The following NMNAT1 variants were observed in gnomAD, a reference collection of about 807,000 sequenced individuals.
The protein encoded by NMNAT1 is nicotinamide nucleotide adenylyltransferase 1, also known as nicotinamide/nicotinic acid mononucleotide adenylyltransferase 1.
Under a neutral mutation model 16.7 loss-of-function variants are expected in NMNAT1, and 11 were observed. The observed-to-expected ratio is 0.66, with a 90% CI of 0.41 to 1.09. NMNAT1 has a LOEUF of 1.09. Ranked by LOEUF, NMNAT1 falls within the 50% of genes least tolerant of loss-of-function variation. The probability of loss-of-function intolerance (pLI) is 0.00; values close to 1 mark genes in which losing one functional copy is unlikely to be tolerated. For missense variants in NMNAT1, 280 were observed against 332.3 expected (o/e 0.84, Z 1.22); for synonymous variants, 110 against 119.8 (o/e 0.92, Z 0.53).
At chr1:9,988,595 C>T (rs1487759751), downstream of NMNAT1, among the ~76,000 whole-genome samples, 3 of 148,122 alleles carry the variant, frequency 2.0e-5, no homozygotes, top group African/African-American at 7.5e-5. Context: ...CCTAGCTACT[C>T]AGGAATCTGA....
Position 9,983,204 on chromosome 1 carries a change from A to C in NMNAT1, c.*503A>C, listed in dbSNP as rs191309209. 6.6e-6 allele frequency: 1 copy of C among 152,378 alleles called. No individual in the cohort carries two copies. Among genetic ancestry groups the C allele is most frequent in the East Asian group, 1.9e-4 (1 of 5,192 alleles). The allele number at this position is 152,378 out of a possible 1,614,324, so 9.4% of individuals were successfully genotyped here. A position where few individuals can be genotyped will look rare whatever the true frequency, so the allele number is the denominator to read the frequency against. On this transcript the variant is annotated 3_prime_UTR_variant, in exon 5 of 5. Transcript: ENST00000377205. Reference sequence around the variant, plus strand: ...TGGAGTCTCTACTAAAAATACAAAAAATTAGCCAGGCATGGTGCCGCATAA... The same window carrying C: ...TGGAGTCTCTACTAAAAATACAAAACATTAGCCAGGCATGGTGCCGCATAA...
chr1:9,983,811 A>G lies in NMNAT1; in HGVS notation c.*1110A>G, dbSNP rs762424067. ...AAGGAGTCCTGAAAAGTAATGATAG[A>G]GCAAGATGAAGCTATCAGAACTGAA... On this transcript the variant is annotated 3_prime_UTR_variant, in exon 5 of 5. Transcript: ENST00000377205. The G allele has an allele frequency of 2.0e-5, 3 of 152,204 alleles. No homozygotes were observed. Among genetic ancestry groups the G allele is most frequent in the Non-Finnish European group, 4.4e-5 (3 of 68,030 alleles). The allele number at this position is 152,204 out of a possible 1,614,324, so 9.4% of individuals were successfully genotyped here. A position where few individuals can be genotyped will look rare whatever the true frequency, so the allele number is the denominator to read the frequency against.
intron 3 of NMNAT1, among the ~76,000 whole-genome samples, chr1:9,976,192 C>T (rs1223163204): frequency 6.7e-6 from 1 of 149,936 alleles, no homozygotes; most frequent in East Asian, 2.0e-4. Flanking sequence ...GAGGCTGAGG[C>T]AGGAGATACA....
intron 1 of NMNAT1, among the ~76,000 whole-genome samples, chr1:9,971,781 A>T (rs543224218): frequency 6.6e-6 from 1 of 152,182 alleles, no homozygotes; most frequent in South Asian, 2.1e-4. Flanking sequence ...TGGGCAACAT[A>T]GCAAGACCCC....
chr1:9,986,349 C>A (rs531469702), downstream of NMNAT1, among the ~76,000 whole-genome samples: 6 of 152,310 alleles, frequency 3.9e-5, no homozygotes, highest in Admixed American at 3.9e-4. Context: ...AAGCAAATCC[C>A]AAATGTGTAA....
chr1:9,990,018 A>C, downstream of NMNAT1, among the ~76,000 whole-genome samples: 1 of 152,198 alleles, frequency 6.6e-6, no homozygotes, highest in East Asian at 1.9e-4. Context: ...AGCAGGTCCA[A>C]GTGAGTGGAA....
chr1:9,958,992 A>G (rs1267978299), intron 1 of NMNAT1, among the ~76,000 whole-genome samples: 2 of 152,228 alleles, frequency 1.3e-5, no homozygotes, highest in African/African-American at 2.4e-5. Flanking sequence ...ACCTACCACA[A>G]CTTGCACAAG....
intron 2 of NMNAT1, among the ~76,000 whole-genome samples, chr1:9,974,297 C>A (rs1641757941): frequency 6.6e-6 from 1 of 151,938 alleles, no homozygotes; most frequent in African/African-American, 2.4e-5. Flanking sequence ...ATGATCACAG[C>A]TCACTGCAGC....
At chr1:9,949,608 G>GTA (rs1237004283) in intron 1 of NMNAT1, 4 of 151,238 alleles carry the variant, frequency 2.6e-5, no homozygotes, top group Admixed American at 1.3e-4. Context: ...ATATGTATGT[G>GTA]TATATATATA....
the NMNAT1 span, among the ~76,000 whole-genome samples, chr1:9,995,165 G>C: frequency 6.6e-6 from 1 of 152,216 alleles, no homozygotes; most frequent in Non-Finnish European, 1.5e-5. Flanking sequence ...GGGAGGCCAA[G>C]GTTGGAGGGT....
At position 9,985,095 on chromosome 1, in the gene NMNAT1, G is replaced by A. The variant is rs1334104722; in HGVS notation, c.*2394G>A. On this transcript the variant is annotated 3_prime_UTR_variant, in exon 5 of 5. Transcript: ENST00000377205. Reference sequence around the variant, plus strand: ...TTAACGTTTATTTCTGGGTGCCAACGGAGGCCCATTCCTCTAACATTCTCA... The same window carrying A: ...TTAACGTTTATTTCTGGGTGCCAACAGAGGCCCATTCCTCTAACATTCTCA... 1 of 152,032 alleles carries A rather than the reference G, an allele frequency of 6.6e-6. No homozygotes were observed. Among genetic ancestry groups the A allele is most frequent in the African/African-American group, 2.4e-5 (1 of 41,390 alleles). 9.4% of individuals were successfully genotyped at this position (152,032 alleles called of 1,614,324 possible).
chr1:9,995,810 C>T, the NMNAT1 span, among the ~76,000 whole-genome samples: 1 of 152,288 alleles, frequency 6.6e-6, no homozygotes, highest in East Asian at 1.9e-4. Flanking sequence ...AGGCGAATCA[C>T]GAGGTCAGGA....
intron 4 of NMNAT1, 120 bp from the exon 5 acceptor site, chr1:9,982,181 A>C: frequency 7.4e-7 from 1 of 1,342,560 alleles, no homozygotes; most frequent in Non-Finnish European, 1.0e-6. Flanking sequence ...CATCCTTGAA[A>C]AGCACATACG....
At chr1:9,968,538 AGGTG>A (rs1641611944) in intron 1 of NMNAT1, among the ~76,000 whole-genome samples, 2 of 108,524 alleles carry the variant, frequency 1.8e-5, no homozygotes, top group African/African-American at 3.1e-5. Flanking sequence ...AGGCCGAGGC[AGGTG>A]GATCACTTAA....
At chr1:9,953,836 T>C (rs1354147546) in intron 1 of NMNAT1, among the ~76,000 whole-genome samples, 2 of 130,994 alleles carry the variant, frequency 1.5e-5, no homozygotes, top group East Asian at 2.5e-4. Flanking sequence ...GACAGAGTCT[T>C]GCTCTCTTGC....
intron 1 of NMNAT1, among the ~76,000 whole-genome samples, chr1:9,956,754 CAG>C (rs1229789390): frequency 1.6e-5 from 2 of 128,002 alleles, no homozygotes; most frequent in Non-Finnish European, 3.2e-5. Flanking sequence ...TTTTTTGAGA[CAG>C]AGTCTCGCTC....
At chr1:9,956,420 CTTT>C (rs758331917) in intron 1 of NMNAT1, among the ~76,000 whole-genome samples, 4 of 117,556 alleles carry the variant, frequency 3.4e-5, no homozygotes, top group Admixed American at 9.1e-5. Flanking sequence ...ATTGGTCTAC[CTTT>C]TTTTTTTTTT....
At chr1:9,976,276 G>A (rs1641811763) in intron 3 of NMNAT1, among the ~76,000 whole-genome samples, 1 of 138,328 alleles carries the variant, frequency 7.2e-6, no homozygotes. Context: ...GACAGAGCGA[G>A]ACTCCATCTC....
chr1:9,987,545 T>A (rs1248835437), downstream of NMNAT1, among the ~76,000 whole-genome samples: 2 of 149,370 alleles, frequency 1.3e-5, no homozygotes, highest in Admixed American at 1.3e-4. Flanking sequence ...GAGGCTGAGG[T>A]AGGAGAATGG....
Sources: gnomAD v4.1 joint callset for allele counts (sites outside exome capture counted in the v4.1 genomes callset) on GRCh38, gnomAD v4.1.1 for gene constraint, MANE v1.5 for transcripts, NCBI Gene and HGNC (gene_info 2026-07-23, HGNC 2026-07-21) for gene names.